WAC: variants seen among roughly 807,000 people sequenced by gnomAD.
WAC encodes WW domain-containing adapter protein with coiled-coil.
A neutral mutation model predicts 79.6 loss-of-function variants in WAC; 11 were observed. The ratio of observed to expected loss-of-function variants is 0.14; its 90% CI spans 0.09 to 0.23. The LOEUF is 0.23. Ranked by LOEUF, WAC falls within the 10% of genes least tolerant of loss-of-function variation. The pLI, the probability that WAC is intolerant of heterozygous loss-of-function variation, is 1.00. For synonymous variants in WAC, 304 were observed against 276.9 expected (o/e 1.10, Z -0.97); for missense variants, 728 against 773.5 (o/e 0.94, Z 0.70).
At chr10:28,591,085 A>G (rs887833963) in intron 6 of WAC, 2 of 370,776 alleles carry the variant, frequency 5.4e-6, no homozygotes, top group Non-Finnish European at 9.8e-6. Context: ...CAAACAGTAA[A>G]ATTTTGTTTT....
chr10:28,559,151 TG>T (rs1320047519), intron 3 of WAC, among the ~76,000 whole-genome samples: 1 of 151,442 alleles, frequency 6.6e-6, no homozygotes, highest in East Asian at 1.9e-4. Context: ...TGTGTGTGTG[TG>T]TGTGTGTGTG....
chr10:28,577,322 A>G (rs992457023), intron 3 of WAC, among the ~76,000 whole-genome samples: 4 of 152,044 alleles, frequency 2.6e-5, no homozygotes, highest in African/African-American at 9.7e-5. Context: ...TTTTATCCTA[A>G]TGGTTTTTTT....
chr10:28,534,126 A>T, intron 2 of WAC, 92 bp downstream of exon 2: 2 of 1,302,408 alleles, frequency 1.5e-6, no homozygotes, highest in Non-Finnish European at 2.1e-6. Flanking sequence ...AAGTCGATAC[A>T]GGCCCTTCGG....
chr10:28,546,969 G>A (rs1034301347), intron 3 of WAC, among the ~76,000 whole-genome samples: 15 of 150,558 alleles, frequency 1.0e-4, no homozygotes, highest in South Asian at 2.1e-4. Flanking sequence ...TAATTTTCTT[G>A]GCTTTTTGGA....
At chr10:28,615,628 A>T (rs1841435247) in intron 11 of WAC, 3 of 152,018 alleles carry the variant, frequency 2.0e-5, no homozygotes, top group Admixed American at 2.0e-4. Context: ...CATATCCCCA[A>T]CCCTGGCCCA....
rs367716903 is a variant in WAC at position 28,533,579 on chromosome 10, G to A, written c.-1G>A. The stretch of plus-strand genomic sequence containing the variant: ...GACACACACTCACAGGCCGGGCATT[G>A]ATGGTAATGTATGCGAGGAAACAGC... On this transcript the variant is annotated 5_prime_UTR_variant, in exon 1 of 14. Coordinates refer to ENST00000354911, the MANE Select transcript of WAC (RefSeq NM_016628.5). 30 of 1,577,184 alleles carry A rather than the reference G, an allele frequency of 1.9e-5. No individual in the cohort carries two copies. The highest frequency in any genetic ancestry group is 2.5e-5 in the Non-Finnish European group (29 of 1,160,562).
chr10:28,616,223 A>G lies in WAC; in HGVS notation c.1607A>G (p.Asn536Ser). 6.2e-7 allele frequency: 1 copy of G among 1,613,484 alleles called. No individual in the cohort carries two copies. The highest frequency in any genetic ancestry group is 8.5e-7 in the Non-Finnish European group (1 of 1,179,702). The change falls in exon 12 of 14, where the codon AAT becomes AGT. Residue 536 changes from asparagine (N) to serine (S), a missense_variant. This residue lies in a region of WAC where 648 missense variants were observed against 661.5 expected (regional missense o/e 0.98). Coordinates refer to ENST00000354911, the MANE Select transcript of WAC (RefSeq NM_016628.5). ...CCCAATCATACTTCTAATAGTAGTA[A>G]TGCATCAAATGCAACAGTTGTACCA... ...PGPNHTSNSS[N>S]ASNATVVPQN... is the part of the protein sequence containing the mutation.
intron 3 of WAC, among the ~76,000 whole-genome samples, chr10:28,568,046 GATTTA>G (rs1564391068): frequency 2.0e-5 from 3 of 152,158 alleles, no homozygotes; most frequent in Admixed American, 6.5e-5. Context: ...CCTCAGTATG[GATTTA>G]ATTTGTCTCT....
chr10:28,581,238 CTTTTTTTTTTTTTTT>C (rs71391053), intron 3 of WAC, among the ~76,000 whole-genome samples: 8 of 66,088 alleles, frequency 1.2e-4, no homozygotes, highest in Admixed American at 2.1e-4. Flanking sequence ...ATGAGCGATT[CTTTTTTTTTTTTTTT>C]TTTTTTTTTT....
rs1243313222 is a variant in WAC at position 28,533,499 on chromosome 10, C to A, written c.-81C>A. The A allele has an allele frequency of 2.1e-6, 2 of 963,712 alleles. No individual in the cohort carries two copies. Among genetic ancestry groups the A allele is most frequent in the South Asian group, 3.4e-5 (1 of 29,368 alleles). 59.7% of individuals were successfully genotyped at this position (963,712 alleles called of 1,614,324 possible). A position where few individuals can be genotyped will look rare whatever the true frequency, so the allele number is the denominator to read the frequency against. The stretch of plus-strand genomic sequence containing the variant: ...GGTGCCGGGGCTGCCCGCCGCCCGC[C>A]GCCGCCGCCGCCTGCGCGCCCGCCC... On this transcript the variant is annotated 5_prime_UTR_variant, in exon 1 of 14. Coordinates refer to ENST00000354911, the MANE Select transcript of WAC (RefSeq NM_016628.5).
chr10:28,562,219 G>A (rs1362402191), intron 3 of WAC, among the ~76,000 whole-genome samples: 1 of 151,978 alleles, frequency 6.6e-6, no homozygotes, highest in Non-Finnish European at 1.5e-5. Context: ...ACCACATCTG[G>A]CTAATTTTTA....
chr10:28,614,841 T>A (rs1841406294), intron 11 of WAC, 156 bp downstream of exon 11: 3 of 606,772 alleles, frequency 4.9e-6, no homozygotes, highest in Non-Finnish European at 8.3e-6. Flanking sequence ...AAGACAAACC[T>A]GTATACAAGA....
At chr10:28,534,814 C>G (rs1836537858) in intron 2 of WAC, among the ~76,000 whole-genome samples, 1 of 152,206 alleles carries the variant, frequency 6.6e-6, no homozygotes, top group South Asian at 2.1e-4. Context: ...TTTGAAAACA[C>G]TGTCTTCTGA....
In WAC at chr10:28,533,386, G is replaced by C. The variant is rs574496355; in HGVS notation, c.-194G>C. 1.3e-5 allele frequency: 2 copies of C among 158,750 alleles called. No homozygotes were observed. Among genetic ancestry groups the C allele is most frequent in the East Asian group, 3.9e-4 (2 of 5,188 alleles). 9.8% of individuals were successfully genotyped at this position (158,750 alleles called of 1,614,324 possible). The stretch of plus-strand genomic sequence containing the variant: ...GCGCCGCTGCCCCGGCTGAGAGTGA[G>C]CGTGGTGTCGACGGAGGGAGATGGC... On this transcript the variant is annotated 5_prime_UTR_variant, in exon 1 of 14. Coordinates refer to ENST00000354911, the MANE Select transcript of WAC (RefSeq NM_016628.5).
rs538435575 is a variant in WAC at position 28,621,070 on chromosome 10, C to G, written c.*1464C>G. ...TAGCTTCACACTGCCAGTAATGTAT[C>G]AAATCACAAGGGTTTCCGCATGAAA... On this transcript the variant is annotated 3_prime_UTR_variant, in exon 14 of 14. Coordinates refer to ENST00000354911, the MANE Select transcript of WAC (RefSeq NM_016628.5). 5 of 151,966 alleles carry G rather than the reference C, an allele frequency of 3.3e-5. No individual in the cohort carries two copies. Among genetic ancestry groups the G allele is most frequent in the Non-Finnish European group, 7.4e-5 (5 of 67,980 alleles). 9.4% of individuals were successfully genotyped at this position (151,966 alleles called of 1,614,324 possible). A position where few individuals can be genotyped will look rare whatever the true frequency, so the allele number is the denominator to read the frequency against.
At chr10:28,612,640 A>C (rs1426002064) in intron 10 of WAC, among the ~76,000 whole-genome samples, 1 of 152,222 alleles carries the variant, frequency 6.6e-6, no homozygotes, top group Non-Finnish European at 1.5e-5. Context: ...CCCAAAAATA[A>C]AAATGCATTG....
intron 13 of WAC, among the ~76,000 whole-genome samples, chr10:28,618,484 T>G (rs1013799754): frequency 2.0e-5 from 3 of 152,218 alleles, no homozygotes; most frequent in Non-Finnish European, 4.4e-5. Context: ...AGGTACTCTC[T>G]GAGTAACAAC....
chr10:28,596,914 C>G (rs1335589779), intron 7 of WAC, among the ~76,000 whole-genome samples: 1 of 152,072 alleles, frequency 6.6e-6, no homozygotes, highest in Non-Finnish European at 1.5e-5. Context: ...CTGATTTCCT[C>G]TCTCCTTGAA....
intron 3 of WAC, among the ~76,000 whole-genome samples, chr10:28,553,792 A>G (rs1475187335): frequency 2.6e-5 from 4 of 152,224 alleles, no homozygotes; most frequent in Non-Finnish European, 5.9e-5. Context: ...CTGAACATGT[A>G]CAGACTTCTT....
Sources: gnomAD v4.1 joint callset for allele counts (sites outside exome capture counted in the v4.1 genomes callset) on GRCh38, gnomAD v4.1.1 for gene constraint, gnomAD v4.1.1 regional missense constraint, MANE v1.5 for transcripts, NCBI Gene and HGNC (gene_info 2026-07-23, HGNC 2026-07-21) for gene names.